Variants in POU2AF2 observed in about 807,000 individuals in gnomAD.
POU2AF2 encodes the protein POU domain class 2-associating factor 2.
the POU2AF2 span, among the ~76,000 whole-genome samples, chr11:111,271,372 G>T: frequency 6.6e-6 from 1 of 150,448 alleles, no homozygotes; most frequent in Non-Finnish European, 1.5e-5. Flanking sequence ...TGCTACCAAA[G>T]TCTAAGTTCC....
the POU2AF2 span, among the ~76,000 whole-genome samples, chr11:111,261,237 G>C: frequency 6.8e-6 from 1 of 147,450 alleles, no homozygotes; most frequent in Non-Finnish European, 1.5e-5. Flanking sequence ...AATGTGAGCC[G>C]TTCACCACCA....
At chr11:111,284,929 A>G in the POU2AF2 span, among the ~76,000 whole-genome samples, 1 of 152,340 alleles carries the variant, frequency 6.6e-6, no homozygotes, top group East Asian at 1.9e-4. Flanking sequence ...AGAGAATAGT[A>G]AAGGTTTCTA....
chr11:111,276,439 G>GAAAA, the POU2AF2 span, among the ~76,000 whole-genome samples: 259 of 44,254 alleles, frequency 5.9e-3, 7 homozygotes, highest in South Asian at 0.011. Context: ...CTACTAAAAA[G>GAAAA]AAAAAAAAAA....
the POU2AF2 span, chr11:111,256,020 G>A: frequency 3.7e-4 from 149 of 399,242 alleles, no homozygotes; most frequent in Middle Eastern, 6.3e-4. Flanking sequence ...ATCAAGGAGT[G>A]AGAGTGAAGC....
chr11:111,248,589 T>C, the POU2AF2 span, among the ~76,000 whole-genome samples: 62 of 152,352 alleles, frequency 4.1e-4, 1 homozygote, highest in East Asian at 8.7e-3. Context: ...AATTGTGTCA[T>C]TGTCTATCAC....
chr11:111,256,442 A>G, the POU2AF2 span, among the ~76,000 whole-genome samples: 2 of 152,216 alleles, frequency 1.3e-5, no homozygotes, highest in African/African-American at 2.4e-5. Flanking sequence ...CTATTCCCTC[A>G]TAACTGGATG....
the POU2AF2 span, among the ~76,000 whole-genome samples, chr11:111,270,301 C>T: frequency 6.6e-6 from 1 of 152,186 alleles, no homozygotes; most frequent in Non-Finnish European, 1.5e-5. Flanking sequence ...GTTTTTGTGG[C>T]AAAATCCCTT....
At chr11:111,284,363 G>A in the POU2AF2 span, 9 of 1,605,294 alleles carry the variant, frequency 5.6e-6, no homozygotes, top group Admixed American at 8.4e-5. Flanking sequence ...CGGAGACCCA[G>A]CTCACTTCCT....
the POU2AF2 span, among the ~76,000 whole-genome samples, chr11:111,265,429 T>C: frequency 6.6e-6 from 1 of 152,128 alleles, no homozygotes; most frequent in Non-Finnish European, 1.5e-5. Flanking sequence ...GGTAAAGTGA[T>C]TAAGTGCCTG....
At chr11:111,286,262 G>A in the POU2AF2 span, 22 of 541,328 alleles carry the variant, frequency 4.1e-5, no homozygotes, top group East Asian at 1.1e-4. Context: ...GTCAGAGACC[G>A]TATTCTAGTA....
the POU2AF2 span, among the ~76,000 whole-genome samples, chr11:111,252,284 A>G: frequency 6.6e-6 from 1 of 152,090 alleles, no homozygotes; most frequent in Non-Finnish European, 1.5e-5. Context: ...ACTCATATGT[A>G]TATCTGTGGT....
the POU2AF2 span, chr11:111,284,237 G>C: frequency 2.5e-6 from 4 of 1,614,168 alleles, no homozygotes; most frequent in Non-Finnish European, 3.4e-6. Flanking sequence ...GGCTCTCCTG[G>C]AGCCCTACTT....
the POU2AF2 span, among the ~76,000 whole-genome samples, chr11:111,261,918 G>A: frequency 1.1e-3 from 171 of 152,318 alleles, 1 homozygote; most frequent in Admixed American, 2.7e-3. Flanking sequence ...AGTGAGAAAT[G>A]TATTTAGATA....
chr11:111,252,360 G>A, the POU2AF2 span, among the ~76,000 whole-genome samples: 23 of 152,110 alleles, frequency 1.5e-4, no homozygotes, highest in African/African-American at 1.9e-4. Context: ...TTTCTGATTC[G>A]GTACATTTGG....
the POU2AF2 span, among the ~76,000 whole-genome samples, chr11:111,268,554 G>T: frequency 2.5e-5 from 3 of 119,246 alleles, no homozygotes; most frequent in Non-Finnish European, 3.5e-5. Flanking sequence ...TTTATTTTGA[G>T]ATGGAGTCTC....
the POU2AF2 span, among the ~76,000 whole-genome samples, chr11:111,284,733 G>A: frequency 2.0e-5 from 3 of 152,194 alleles, no homozygotes; most frequent in Non-Finnish European, 4.4e-5. Flanking sequence ...CACTGAAGCT[G>A]CATCTCAGAC....
the POU2AF2 span, chr11:111,281,473 C>G: frequency 6.2e-7 from 1 of 1,608,544 alleles, no homozygotes; most frequent in African/African-American, 1.3e-5. Context: ...CAATTATTCC[C>G]TTTTGAATTT....
At chr11:111,276,696 C>G in the POU2AF2 span, among the ~76,000 whole-genome samples, 2 of 146,428 alleles carry the variant, frequency 1.4e-5, no homozygotes, top group African/African-American at 5.0e-5. Context: ...GCAGACGCCT[C>G]AACAGCAATT....
At chr11:111,260,089 A>G in the POU2AF2 span, among the ~76,000 whole-genome samples, 10 of 152,234 alleles carry the variant, frequency 6.6e-5, no homozygotes, top group African/African-American at 4.8e-5. Flanking sequence ...AACGCAATCC[A>G]ATAAGAAAGA....
Sources: gnomAD v4.1 joint callset for allele counts (sites outside exome capture counted in the v4.1 genomes callset) on GRCh38, gnomAD v4.1.1 for gene constraint, MANE v1.5 for transcripts, NCBI Gene and HGNC (gene_info 2026-07-23, HGNC 2026-07-21) for gene names.